HS3ST4: variants seen among roughly 807,000 people sequenced by gnomAD.
HS3ST4 encodes heparan sulfate-glucosamine 3-sulfotransferase 4, also known as heparan sulfate glucosamine 3-O-sulfotransferase 4.
Under a neutral mutation model 29.2 loss-of-function variants are expected in HS3ST4, and 17 were observed. The observed-to-expected ratio is 0.58, with a 90% CI of 0.40 to 0.87. The LOEUF (loss-of-function observed/expected upper bound fraction) is 0.87. Among genes scored for constraint, HS3ST4 ranks in the 40% least tolerant of loss-of-function variants. HS3ST4 has a pLI of 0.00. For missense variants in HS3ST4, 627 were observed against 634.5 expected (o/e 0.99, Z 0.13); for synonymous variants, 314 against 285.7 (o/e 1.10, Z -1.00).
chr16:25,770,944 C>T (rs1017651869), intron 1 of HS3ST4, among the ~76,000 whole-genome samples: 1 of 151,832 alleles, frequency 6.6e-6, no homozygotes, highest in Non-Finnish European at 1.5e-5. Flanking sequence ...GATCCTGGGA[C>T]GTGGCTACAG....
At position 25,873,480 on chromosome 16, in the gene HS3ST4, CTCTA is replaced by C. The variant is rs1157206082; in HGVS notation, c.734+180369_734+180372del. Among the ~76,000 whole-genome samples, 155 of 69,944 alleles carry C rather than the reference CTCTA, an allele frequency of 2.2e-3. 1 individual carries two copies. Among genetic ancestry groups the C allele is most frequent in the South Asian group, 4.0e-3 (11 of 2,742 alleles). The allele number at this position is 69,944 out of a possible 152,430, so 45.9% of individuals were successfully genotyped here. ...CATTTACCCACCCATCCATCTATCT[CTCTA>C]TCTATCTATCTATCTATCTATCTAT... On this transcript the variant is annotated intron_variant, in intron 1 of 1. Coordinates refer to ENST00000331351, the MANE Select transcript of HS3ST4 (RefSeq NM_006040.3).
chr16:25,719,252 CTTGT>C (rs907892661), intron 1 of HS3ST4, among the ~76,000 whole-genome samples: 12 of 152,134 alleles, frequency 7.9e-5, no homozygotes, highest in Admixed American at 7.9e-4. Flanking sequence ...AAATGAATTG[CTTGT>C]TTAAGAAATA....
chr16:25,839,319 G>T (rs1486453667), intron 1 of HS3ST4, among the ~76,000 whole-genome samples: 1 of 152,182 alleles, frequency 6.6e-6, no homozygotes, highest in African/African-American at 2.4e-5. Flanking sequence ...GGAAGACTTG[G>T]CTGTCTTGCT....
At chr16:25,838,669 T>G (rs961183427) in intron 1 of HS3ST4, among the ~76,000 whole-genome samples, 4 of 152,192 alleles carry the variant, frequency 2.6e-5, no homozygotes, top group African/African-American at 4.8e-5. Flanking sequence ...AGTCTTTTCC[T>G]AGACCCGCCC....
At chr16:25,970,599 C>G (rs181713013) in intron 1 of HS3ST4, among the ~76,000 whole-genome samples, 1 of 151,910 alleles carries the variant, frequency 6.6e-6, no homozygotes, top group African/African-American at 2.4e-5. Flanking sequence ...AGCCTCAACC[C>G]CCTGGACTCA....
At chr16:25,797,426 G>A (rs772322836) in intron 1 of HS3ST4, among the ~76,000 whole-genome samples, 1 of 152,096 alleles carries the variant, frequency 6.6e-6, no homozygotes, top group African/African-American at 2.4e-5. Context: ...CATCTTTAAG[G>A]TATGGAGAAC....
At chr16:25,702,793 G>A (rs1389104354) in intron 1 of HS3ST4, among the ~76,000 whole-genome samples, 1 of 152,146 alleles carries the variant, frequency 6.6e-6, no homozygotes, top group Non-Finnish European at 1.5e-5. Flanking sequence ...GGGGCTGACT[G>A]CCTTACACCC....
chr16:26,124,805 T>G (rs72640492), intron 1 of HS3ST4, among the ~76,000 whole-genome samples: 1 of 152,114 alleles, frequency 6.6e-6, no homozygotes, highest in Non-Finnish European at 1.5e-5. Context: ...ATGAGGAACT[T>G]CAAAGTCCTC....
chr16:26,132,755 GA>G (rs942131828), intron 1 of HS3ST4, among the ~76,000 whole-genome samples: 3 of 152,130 alleles, frequency 2.0e-5, no homozygotes, highest in African/African-American at 7.2e-5. Flanking sequence ...CTACACTAAA[GA>G]AAAATGCAAC....
chr16:26,059,059 G>T (rs1898444372), intron 1 of HS3ST4, among the ~76,000 whole-genome samples: 1 of 152,096 alleles, frequency 6.6e-6, no homozygotes, highest in South Asian at 2.1e-4. Context: ...CAAAAGATGA[G>T]TTCAAGTTGT....
rs565328329 is a variant in HS3ST4, at chr16:25,951,767, A to T, written c.735-183845A>T. Among the ~76,000 whole-genome samples the T allele has an allele frequency of 9.9e-4, 151 of 152,274 alleles. 2 individuals are homozygous for T. Among genetic ancestry groups the T allele is most frequent in the African/African-American group, 3.5e-3 (147 of 41,562 alleles). ...GGAAAGAAAACCAGGGCTCCTAAGC[A>T]CCAGTTTTCCCAGACACTTTTCTAG... On this transcript the variant is annotated intron_variant, in intron 1 of 1. Transcript: ENST00000331351.
intron 1 of HS3ST4, among the ~76,000 whole-genome samples, chr16:25,944,162 T>C (rs960738655): frequency 2.0e-5 from 3 of 152,112 alleles, no homozygotes; most frequent in African/African-American, 7.2e-5. Context: ...TTCAGCCAGG[T>C]CTGAGTTCTT....
intron 1 of HS3ST4, among the ~76,000 whole-genome samples, chr16:25,908,066 G>T (rs1968197038): frequency 6.6e-6 from 1 of 152,182 alleles, no homozygotes; most frequent in Non-Finnish European, 1.5e-5. Flanking sequence ...AGAGGGGAGG[G>T]GGAGAATGAA....
rs184474448 is a variant in HS3ST4, at chr16:25,892,794, T to C, written c.734+199643T>C. On this transcript the variant is annotated intron_variant, in intron 1 of 1. Transcript: ENST00000331351. ...ATAAATCTATTCCCTTCTTAACTCA[T>C]CCATAAGATACTTAGTAGGGGCCCC... Among the ~76,000 whole-genome samples, 8 of 152,156 alleles carry C rather than the reference T, an allele frequency of 5.3e-5. No homozygotes were observed. In the East Asian group the frequency reaches 1.4e-3, roughly 26 times the overall value.
intron 1 of HS3ST4, among the ~76,000 whole-genome samples, chr16:25,983,294 A>G (rs1042732307): frequency 1.3e-5 from 2 of 149,686 alleles, no homozygotes; most frequent in Middle Eastern, 3.4e-3. Flanking sequence ...GAGGTAGAAG[A>G]GCCCCCCTTG....
At chr16:25,810,136 C>T (rs1967028143) in intron 1 of HS3ST4, among the ~76,000 whole-genome samples, 1 of 149,892 alleles carries the variant, frequency 6.7e-6, no homozygotes, top group Admixed American at 6.7e-5. Context: ...ACTACTTTAG[C>T]AGCATCTAAC....
At chr16:25,696,490 T>C (rs1398299067) in intron 1 of HS3ST4, among the ~76,000 whole-genome samples, 1 of 132,132 alleles carries the variant, frequency 7.6e-6, no homozygotes, top group African/African-American at 2.6e-5. Context: ...TGATTGTCCA[T>C]GGTTTGTTTG....
chr16:25,722,510 G>A (rs1021849801), intron 1 of HS3ST4, among the ~76,000 whole-genome samples: 4 of 152,168 alleles, frequency 2.6e-5, no homozygotes, highest in African/African-American at 9.7e-5. Context: ...GGGAACTTAC[G>A]TTGATTTCTC....
At chr16:25,883,689 C>G (rs976065170) in intron 1 of HS3ST4, among the ~76,000 whole-genome samples, 3 of 152,172 alleles carry the variant, frequency 2.0e-5, no homozygotes, top group Admixed American at 2.0e-4. Context: ...ATAAGCTGAG[C>G]ATTTTATATC....
Sources: allele counts gnomAD v4.1 joint callset (sites outside exome capture counted in the v4.1 genomes callset), GRCh38; gene constraint gnomAD v4.1.1; transcripts MANE v1.5; gene names NCBI Gene and HGNC (gene_info 2026-07-23, HGNC 2026-07-21).